SEC61B: variants seen among roughly 807,000 people sequenced by gnomAD.
The protein encoded by SEC61B is SEC61 translocon subunit beta, also known as protein transport protein Sec61 subunit beta.
Under a neutral mutation model 12.6 loss-of-function variants are expected in SEC61B, and 7 were observed. That is an observed-to-expected ratio of 0.55 (90% CI 0.32 to 1.04). SEC61B has a LOEUF of 1.04. Ranked by LOEUF, SEC61B falls within the 50% of genes least tolerant of loss-of-function variation. SEC61B has a pLI of 0.05. For missense variants in SEC61B, 107 were observed against 130.1 expected, an observed-to-expected ratio of 0.82 and a Z score of 0.86; for synonymous variants, 54 against 50.1, an observed-to-expected ratio of 1.08 and a Z score of -0.33.
intron 2 of SEC61B, among the ~76,000 whole-genome samples, chr9:99,224,633 G>C (rs1357388264): frequency 1.3e-5 from 2 of 152,248 alleles, no homozygotes; most frequent in Admixed American, 1.3e-4. Flanking sequence ...AGTTTTTAAA[G>C]TCGTGGGTGT....
chr9:99,227,057 G>C (rs1828905702), intron 2 of SEC61B, among the ~76,000 whole-genome samples: 1 of 152,014 alleles, frequency 6.6e-6, no homozygotes, highest in Non-Finnish European at 1.5e-5. Context: ...CATGAGGTCA[G>C]GAGTTCAAGA....
chr9:99,228,254 G>A (rs1828921484), intron 3 of SEC61B, among the ~76,000 whole-genome samples: 1 of 152,208 alleles, frequency 6.6e-6, no homozygotes, highest in African/African-American at 2.4e-5. Flanking sequence ...CAAAATAAAT[G>A]AGAACAGAGA....
rs748590995 is a variant in SEC61B at position 99,230,496 on chromosome 9, G to A, written c.*72G>A. The A allele has an allele frequency of 4.4e-5, 43 of 966,866 alleles. No homozygotes were observed. The highest frequency in any genetic ancestry group is 6.2e-5 in the Non-Finnish European group (38 of 610,428). The allele number at this position is 966,866 out of a possible 1,614,324, so 59.9% of individuals were successfully genotyped here. A position where few individuals can be genotyped will look rare whatever the true frequency, so the allele number is the denominator to read the frequency against. ...ACATTTCTTGGACCAAAAGTATAGT[G>A]ACTATCTGTTCATGAGAGAAATTTT... On this transcript the variant is annotated 3_prime_UTR_variant, in exon 4 of 4. Transcript: ENST00000223641.
chr9:99,222,572 C>T lies in SEC61B; in HGVS notation c.30C>T (p.Asn10=), dbSNP rs1284918284. ...CTGGTCCGACCCCCAGTGGCACTAA[C>T]GTGGGATCCTCAGGGCGCTCTCCCA... MPGPTPSGT[N]VGSSGRSPSK... is the part of the protein sequence containing the mutation. Residue 10 remains asparagine, a synonymous_variant, in exon 2 of 4, where the codon AAC becomes AAT. Coordinates refer to ENST00000223641, the MANE Select transcript of SEC61B (RefSeq NM_006808.3). The T allele has an allele frequency of 1.9e-6, 3 of 1,570,208 alleles. No individual in the cohort carries two copies. The highest frequency in any genetic ancestry group is 2.6e-6 in the Non-Finnish European group (3 of 1,157,958).
rs1038440001 is a variant in SEC61B, at chr9:99,222,873, A to G, written c.101+230A>G. 4 of 453,942 alleles carry G rather than the reference A, an allele frequency of 8.8e-6. No homozygotes were observed. The South Asian group carries it at 1.6e-4, about 18-fold the overall frequency. 28.1% of individuals were successfully genotyped at this position (453,942 alleles called of 1,614,324 possible). On this transcript the variant is annotated intron_variant, in intron 2 of 3. Transcript: ENST00000223641. ...AAAAGGAAAGTTAACAAACTGGAAT[A>G]GAGTCAGAGATAACTTTGAGAAAAC...
chr9:99,222,507 G>T, intron 1 of SEC61B, 39 bp from the exon 2 acceptor site: 1 of 1,603,408 alleles, frequency 6.2e-7, no homozygotes. Context: ...GGGCAGGCCT[G>T]CCGCGCTCAC....
rs1828843084 is a variant in SEC61B at position 99,222,653 on chromosome 9, C to T, written c.101+10C>T. 4.0e-6 allele frequency: 6 copies of T among 1,515,218 alleles called. No homozygotes were observed. The Admixed American group carries it at 6.4e-5, about 16-fold the overall frequency. 93.9% of individuals were successfully genotyped at this position (1,515,218 alleles called of 1,614,324 possible). A position where few individuals can be genotyped will look rare whatever the true frequency, so the allele number is the denominator to read the frequency against. Reference sequence around the variant, plus strand: ...CCACTGTCCGGCAGAGGTAAGGAACCCTGCAGTTCGTTCGCTTCCAGACTC... The same window carrying T: ...CCACTGTCCGGCAGAGGTAAGGAACTCTGCAGTTCGTTCGCTTCCAGACTC... On this transcript the variant is annotated intron_variant, in intron 2 of 3. Transcript: ENST00000223641.
intron 2 of SEC61B, among the ~76,000 whole-genome samples, chr9:99,226,116 T>C (rs1157414598): frequency 6.6e-6 from 1 of 152,218 alleles, no homozygotes; most frequent in Non-Finnish European, 1.5e-5. Flanking sequence ...ACAATGAAGT[T>C]TTAAGTTCCC....
At chr9:99,224,542 ATTAT>A (rs1356731939) in intron 2 of SEC61B, among the ~76,000 whole-genome samples, 12 of 152,382 alleles carry the variant, frequency 7.9e-5, no homozygotes, top group Non-Finnish European at 1.2e-4. Context: ...TGATAATGAA[ATTAT>A]TTATTTAATA....
chr9:99,224,200 C>T (rs897903617), intron 2 of SEC61B, among the ~76,000 whole-genome samples: 1 of 152,208 alleles, frequency 6.6e-6, no homozygotes, highest in African/African-American at 2.4e-5. Context: ...TTTGAACTTA[C>T]ATGAAATATT....
At chr9:99,225,119 C>G (rs755352319) in intron 2 of SEC61B, among the ~76,000 whole-genome samples, 7 of 152,184 alleles carry the variant, frequency 4.6e-5, no homozygotes, top group South Asian at 2.1e-4. Context: ...GTATAGACAT[C>G]AAGGTATTGA....
At chr9:99,222,441 CTG>C (rs1398319583) in intron 1 of SEC61B, 75 bp downstream of exon 1, 23 of 1,610,142 alleles carry the variant, frequency 1.4e-5, no homozygotes, top group Non-Finnish European at 2.0e-5. Flanking sequence ...TGCTTTTCCT[CTG>C]TAGCTCCCTT....
rs376535304 is a variant in SEC61B at position 99,222,313 on chromosome 9, C to G, written c.-51C>G. On this transcript the variant is annotated 5_prime_UTR_variant, in exon 1 of 4. Transcript: ENST00000223641. ...GCCAGCTGCCGGTCTTTCGGGGGCT[C>G]CGTAACTTTCTATCCGTCCGCGTCA... 8 of 1,613,932 alleles carry G rather than the reference C, an allele frequency of 5.0e-6. No individual in the cohort carries two copies. In the African/African-American group the frequency reaches 1.1e-4, roughly 22 times the overall value.
At chr9:99,225,712 C>T (rs1039256741) in intron 2 of SEC61B, among the ~76,000 whole-genome samples, 1 of 152,168 alleles carries the variant, frequency 6.6e-6, no homozygotes. Flanking sequence ...TTTAGTATTT[C>T]TAGGGGCTCT....
chr9:99,222,957 G>A (rs1298400173), intron 2 of SEC61B: 5 of 269,800 alleles, frequency 1.9e-5, no homozygotes, highest in African/African-American at 1.1e-4. Flanking sequence ...TCCATCTGGC[G>A]GCCCCATAAG....
intron 2 of SEC61B, chr9:99,222,932 G>A (rs200458279): frequency 6.5e-6 from 2 of 309,562 alleles, no homozygotes; most frequent in African/African-American, 4.4e-5. Flanking sequence ...TGGACCTGAG[G>A]TTTGCACTCA....
chr9:99,225,974 C>T (rs1828889231), intron 2 of SEC61B, among the ~76,000 whole-genome samples: 1 of 152,208 alleles, frequency 6.6e-6, no homozygotes, highest in East Asian at 1.9e-4. Context: ...AAGATTTCAG[C>T]TGCATACCCC....
intron 2 of SEC61B, among the ~76,000 whole-genome samples, chr9:99,225,691 T>A (rs924215569): frequency 1.3e-5 from 2 of 152,190 alleles, no homozygotes; most frequent in Non-Finnish European, 2.9e-5. Context: ...TGGGAAGTAT[T>A]TTGAGTACAC....
chr9:99,228,278 A>G (rs960226259), intron 3 of SEC61B, among the ~76,000 whole-genome samples: 2 of 152,224 alleles, frequency 1.3e-5, no homozygotes, highest in Non-Finnish European at 2.9e-5. Flanking sequence ...CTGGAGGGAA[A>G]ACTGCTTAAT....
Sources: allele counts gnomAD v4.1 joint callset (sites outside exome capture counted in the v4.1 genomes callset), GRCh38; gene constraint gnomAD v4.1.1; transcripts MANE v1.5; gene names NCBI Gene and HGNC (gene_info 2026-07-23, HGNC 2026-07-21).